The following PCDHGB6 variants were observed in gnomAD, a reference collection of about 807,000 sequenced individuals.
PCDHGB6 encodes protocadherin gamma-B6.
Under a neutral mutation model 59.1 loss-of-function variants are expected in PCDHGB6, and 51 were observed. That is an observed-to-expected ratio of 0.86 (90% confidence interval 0.69 to 1.09). PCDHGB6 has a LOEUF of 1.09. Ranked by LOEUF, PCDHGB6 falls within the 50% of genes least tolerant of loss-of-function variation. PCDHGB6 has a pLI of 0.00. For missense variants in PCDHGB6, 1,148 were observed against 1,205.1 expected (o/e 0.95, Z 0.70); for synonymous variants, 466 against 495.1 (o/e 0.94, Z 0.78).
At chr5:141,414,064 C>T in intron 1 of PCDHGB6, 1 of 1,607,864 alleles carries the variant, frequency 6.2e-7, no homozygotes, top group Non-Finnish European at 8.5e-7. Context: ...GTTGAAGTTC[C>T]AACTAAACAA....
At chr5:141,461,817 C>A (rs2099023873) in intron 1 of PCDHGB6, among the ~76,000 whole-genome samples, 1 of 150,844 alleles carries the variant, frequency 6.6e-6, no homozygotes, top group South Asian at 2.1e-4. Flanking sequence ...CCACACCCAG[C>A]TAATTTTTTT....
At position 141,410,044 on chromosome 5, in the gene PCDHGB6, C is replaced by G; in HGVS notation, c.1842C>G (p.Pro614=). Residue 614 remains proline, a synonymous_variant, in exon 1 of 4, where the codon CCC becomes CCG. Transcript: ENST00000520790. ...LSYHVLQASE[P]GLFSLGLRTG... The stretch of plus-strand genomic sequence containing the variant: ...ACCACGTGCTGCAGGCCAGTGAGCC[C>G]GGACTCTTCAGCCTGGGGCTGCGCA... The G allele has an allele frequency of 6.2e-7, 1 of 1,613,184 alleles. No homozygotes were observed. The highest frequency in any genetic ancestry group is 8.5e-7 in the Non-Finnish European group (1 of 1,179,784).
intron 1 of PCDHGB6, chr5:141,415,759 T>TTTG: frequency 3.7e-6 from 5 of 1,352,140 alleles, no homozygotes; most frequent in Non-Finnish European, 4.8e-6. Flanking sequence ...TTTTTTTTTT[T>TTTG]TTTTTTTTTT....
chr5:141,478,418 C>A, intron 1 of PCDHGB6: 1 of 1,613,650 alleles, frequency 6.2e-7, no homozygotes, highest in Non-Finnish European at 8.5e-7. Context: ...GGACTCCCGC[C>A]GCAGCGACCC....
In PCDHGB6 at chr5:141,432,887, T is replaced by G. The variant is rs146168033; in HGVS notation, c.2418+22267T>G. 2.8e-4 allele frequency: 451 copies of G among 1,614,156 alleles called. No individual in the cohort carries two copies. In the African/African-American group the frequency reaches 4.6e-3, roughly 17 times the overall value. ...CTGCGTCTTCCTGGCCTTCGTCATC[T>G]TGCTGCTGGCGCTCAGGCTGCGGCG... is the stretch of plus-strand genomic sequence containing the variant. On this transcript the variant is annotated intron_variant, in intron 1 of 3. Transcript: ENST00000520790. The surrounding 1 kb of genome is among the most constrained non-coding windows in gnomAD (Gnocchi z 6.0).
intron 1 of PCDHGB6, chr5:141,417,924 T>C (rs1197566429): frequency 1.9e-6 from 3 of 1,609,340 alleles, no homozygotes; most frequent in Admixed American, 1.7e-5. Flanking sequence ...CCTTTGCTGC[T>C]GCCTTTGTTC....
rs748013890 is a variant in PCDHGB6 at position 141,410,192 on chromosome 5, T to G, written c.1990T>G (p.Phe664Val). ...LSATATLHLV[F>V]ADNLQEILPD... ...TGCCACCGCCACGCTTCATCTGGTC[T>G]TCGCAGACAACTTGCAAGAGATACT... Residue 664 changes from phenylalanine to valine, a missense_variant, in exon 1 of 4, where the codon TTC becomes GTC. Physicochemically the swap from Phe to Val is conservative, Grantham distance 50. Transcript: ENST00000520790. 6.2e-7 allele frequency: 1 copy of G among 1,613,980 alleles called. No homozygotes were observed. Among genetic ancestry groups the G allele is most frequent in the Non-Finnish European group, 8.5e-7 (1 of 1,179,868 alleles).
chr5:141,455,833 G>A (rs999291826), intron 1 of PCDHGB6, among the ~76,000 whole-genome samples: 1 of 151,468 alleles, frequency 6.6e-6, no homozygotes, highest in Admixed American at 6.6e-5. Flanking sequence ...CCCTTTTCCT[G>A]TCTATCTGCA....
At position 141,455,354 on chromosome 5, in the gene PCDHGB6, T is replaced by C. The variant is rs185319743; in HGVS notation, c.2419-39453T>C. ...TGGTTTTAAGGAGCGGAGAGTTTAA[T>C]AGGCAAGAAGGAAGGGAGAAGACAG... On this transcript the variant is annotated intron_variant, in intron 1 of 3. Coordinates refer to ENST00000520790, the MANE Select transcript of PCDHGB6 (RefSeq NM_018926.3). Among the ~76,000 whole-genome samples the C allele has an allele frequency of 1.7e-3, 263 of 152,180 alleles. 2 individuals are homozygous for C. The highest frequency in any genetic ancestry group is 3.0e-3 in the Non-Finnish European group (207 of 68,010).
rs976135607 is a variant in PCDHGB6 at position 141,489,115 on chromosome 5, C to A, written c.2419-5692C>A. ...CTAAGAACTGCTGCAAGCAGGCAAA[C>A]CTCCGAGCAGTTTTTAAGAGGCTGG... On this transcript the variant is annotated intron_variant, in intron 1 of 3. Coordinates refer to ENST00000520790, the MANE Select transcript of PCDHGB6 (RefSeq NM_018926.3). This position sits in a 1 kb window ranked among gnomAD's most constrained non-coding sequence, Gnocchi z 4.5. 7.3e-5 allele frequency: 37 copies of A among 506,794 alleles called. No homozygotes were observed. Among genetic ancestry groups the A allele is most frequent in the Non-Finnish European group, 1.2e-4 (35 of 298,604 alleles). 31.4% of individuals were successfully genotyped at this position (506,794 alleles called of 1,614,324 possible).
chr5:141,418,902 T>A, intron 1 of PCDHGB6: 3 of 1,613,930 alleles, frequency 1.9e-6, no homozygotes, highest in Non-Finnish European at 2.5e-6. Context: ...CCAGAAATAA[T>A]CATCACGTCA....
intron 1 of PCDHGB6, chr5:141,478,557 G>A (rs1316386006): frequency 1.2e-6 from 2 of 1,600,016 alleles, no homozygotes; most frequent in Non-Finnish European, 1.7e-6. Context: ...GTAAGGTTTA[G>A]CAAGTCATGC....
At chr5:141,496,808 G>A (rs1387209844) in intron 2 of PCDHGB6, among the ~76,000 whole-genome samples, 3 of 151,736 alleles carry the variant, frequency 2.0e-5, no homozygotes, top group South Asian at 4.2e-4. Flanking sequence ...GGCTATAGGA[G>A]TGAACAAGTA....
chr5:141,475,977 A>C, intron 1 of PCDHGB6: 1 of 972,828 alleles, frequency 1.0e-6, no homozygotes, highest in Non-Finnish European at 1.5e-6. Flanking sequence ...GAGACTGAAC[A>C]GCCGGCGAGC....
intron 1 of PCDHGB6, chr5:141,413,387 T>A (rs902208287): frequency 1.2e-6 from 2 of 1,613,908 alleles, no homozygotes; most frequent in Non-Finnish European, 1.7e-6. Context: ...GTCCGCATAG[T>A]CTCCAGAGGT....
At position 141,491,039 on chromosome 5, in the gene PCDHGB6, G is replaced by T; in HGVS notation, c.2419-3768G>T. 1 of 1,614,180 alleles carries T rather than the reference G, an allele frequency of 6.2e-7. No individual in the cohort carries two copies. The highest frequency in any genetic ancestry group is 1.1e-5 in the South Asian group (1 of 91,090). ...GTGACAGCCGTGGATGCTGATGCAGGCCACAATGCGTGGCTCTCCTACTCA... is the reference window on the plus strand; with the variant it reads ...GTGACAGCCGTGGATGCTGATGCAGTCCACAATGCGTGGCTCTCCTACTCA... On this transcript the variant is annotated intron_variant, in intron 1 of 3. Transcript: ENST00000520790. The surrounding 1 kb of genome is among the most constrained non-coding windows in gnomAD (Gnocchi z 6.9).
rs762687404 is a variant in PCDHGB6 at position 141,486,468 on chromosome 5, A to G, written c.2419-8339A>G. Reference sequence around the variant, plus strand: ...ATGGTCACTGCTTCTGATGCTGGGAACCCTCCTCTCAGTACCCACAGAACT... The same window carrying G: ...ATGGTCACTGCTTCTGATGCTGGGAGCCCTCCTCTCAGTACCCACAGAACT... On this transcript the variant is annotated intron_variant, in intron 1 of 3. Transcript: ENST00000520790. This position sits in a 1 kb window ranked among gnomAD's most constrained non-coding sequence, Gnocchi z 5.0. The G allele has an allele frequency of 1.2e-6, 2 of 1,612,906 alleles. No individual in the cohort carries two copies. Among genetic ancestry groups the G allele is most frequent in the Middle Eastern group, 1.6e-4 (1 of 6,062 alleles).
intron 1 of PCDHGB6, among the ~76,000 whole-genome samples, chr5:141,466,493 A>G (rs2099123402): frequency 6.6e-6 from 1 of 152,226 alleles, no homozygotes; most frequent in South Asian, 2.1e-4. Context: ...TTCTTTAATT[A>G]GAGCACAGAC....
Position 141,489,629 on chromosome 5 carries a change from C to T in PCDHGB6, c.2419-5178C>T. Reference sequence around the variant, plus strand: ...GAGATCCTGGATCTCAATGACAACTCTCCTAGCTTTGCCACCCCTGAGCGA... The same window carrying T: ...GAGATCCTGGATCTCAATGACAACTTTCCTAGCTTTGCCACCCCTGAGCGA... On this transcript the variant is annotated intron_variant, in intron 1 of 3. Transcript: ENST00000520790. This position sits in a 1 kb window ranked among gnomAD's most constrained non-coding sequence, Gnocchi z 4.5. 6.2e-7 allele frequency: 1 copy of T among 1,614,142 alleles called. No homozygotes were observed. The highest frequency in any genetic ancestry group is 1.7e-5 in the Admixed American group (1 of 60,032).
Sources: allele counts gnomAD v4.1 joint callset (sites outside exome capture counted in the v4.1 genomes callset), GRCh38; gene constraint gnomAD v4.1.1; non-coding constraint Gnocchi (gnomAD v3.1); transcripts MANE v1.5; gene names NCBI Gene and HGNC (gene_info 2026-07-23, HGNC 2026-07-21).